ACTR3C: variants seen among roughly 807,000 people sequenced by gnomAD.
The protein encoded by ACTR3C is actin related protein 3C.
A neutral mutation model predicts 26.3 loss-of-function variants in ACTR3C; 18 were observed. The ratio of observed to expected loss-of-function variants is 0.68; its 90% CI spans 0.47 to 1.01. ACTR3C has a LOEUF of 1.01. Among genes scored for constraint, ACTR3C ranks in the 50% least tolerant of loss-of-function variants. ACTR3C has a pLI of 0.00. For missense variants in ACTR3C, 184 were observed against 250.7 expected (o/e 0.73, Z 1.80); for synonymous variants, 55 against 94.5 (o/e 0.58, Z 2.42).
At chr7:149,888,648 A>G in the ACTR3C span, among the ~76,000 whole-genome samples, 1 of 152,206 alleles carries the variant, frequency 6.6e-6, no homozygotes, top group Admixed American at 6.5e-5. Flanking sequence ...TGCCAGGAAC[A>G]GGGAAGGAAG....
chr7:150,209,722 T>TACACAC, the ACTR3C span, among the ~76,000 whole-genome samples: 9,934 of 129,122 alleles, frequency 0.077, 451 homozygotes, highest in South Asian at 0.13. Flanking sequence ...CTACTAAAAA[T>TACACAC]ACACACACAC....
At chr7:150,195,885 AAAT>A in the ACTR3C span, among the ~76,000 whole-genome samples, 1 of 152,196 alleles carries the variant, frequency 6.6e-6, no homozygotes, top group African/African-American at 2.4e-5. Context: ...TCTCAAAAAA[AAAT>A]AATAATAATT....
the ACTR3C span, among the ~76,000 whole-genome samples, chr7:150,158,911 AC>A: frequency 1.4e-5 from 2 of 147,282 alleles, no homozygotes; most frequent in African/African-American, 2.7e-5. Flanking sequence ...ACGTGCGCAC[AC>A]ACACGTGCAC....
chr7:150,128,950 C>T, the ACTR3C span, among the ~76,000 whole-genome samples: 1 of 150,598 alleles, frequency 6.6e-6, no homozygotes, highest in African/African-American at 2.5e-5. Context: ...GACCTGGTGG[C>T]CTAATGAACT....
the ACTR3C span, among the ~76,000 whole-genome samples, chr7:149,939,276 G>A: frequency 2.0e-4 from 31 of 152,240 alleles, 1 homozygote; most frequent in South Asian, 4.1e-3. Flanking sequence ...CACCGCACCC[G>A]GCCCAAATAA....
the ACTR3C span, among the ~76,000 whole-genome samples, chr7:150,069,728 C>T: frequency 6.6e-6 from 1 of 151,738 alleles, no homozygotes; most frequent in Non-Finnish European, 1.5e-5. Flanking sequence ...ACTGGGGAGT[C>T]CAGAAGAGGG....
At chr7:149,917,054 T>C in the ACTR3C span, among the ~76,000 whole-genome samples, 3 of 149,178 alleles carry the variant, frequency 2.0e-5, no homozygotes, top group South Asian at 6.4e-4. Context: ...GTACATACAA[T>C]ATATTATTAT....
the ACTR3C span, among the ~76,000 whole-genome samples, chr7:150,206,461 T>TGGAG: frequency 6.6e-6 from 1 of 152,154 alleles, no homozygotes; most frequent in Non-Finnish European, 1.5e-5. Flanking sequence ...TTGCCCAAGC[T>TGGAG]GGCATGAAAT....
At chr7:150,003,349 G>GTGGTATGTGGTA in the ACTR3C span, among the ~76,000 whole-genome samples, 1 of 152,172 alleles carries the variant, frequency 6.6e-6, no homozygotes, top group Non-Finnish European at 1.5e-5. Context: ...TGTGGAATGT[G>GTGGTATGTGGTA]TGGTATGTGG....
the ACTR3C span, among the ~76,000 whole-genome samples, chr7:150,037,336 G>A: frequency 1.6e-4 from 10 of 62,248 alleles, 5 homozygotes; most frequent in Admixed American, 1.7e-3. Flanking sequence ...TAAGCCGGGG[G>A]GGGAAGAGGG....
intron 1 of ACTR3C, among the ~76,000 whole-genome samples, chr7:150,306,807 T>G (rs1795841484): frequency 6.6e-6 from 1 of 152,218 alleles, no homozygotes; most frequent in Non-Finnish European, 1.5e-5. Context: ...GACAATGATA[T>G]TTGTGTAGCA....
downstream of ACTR3C, among the ~76,000 whole-genome samples, chr7:150,239,507 G>GCTCTCTCTCTCT (rs1187583060): frequency 9.7e-6 from 1 of 103,010 alleles, no homozygotes; most frequent in Admixed American, 9.7e-5. Flanking sequence ...AAAGTTGCTC[G>GCTCTCTCTCTCT]CTCTCTCTCT....
At chr7:149,972,373 T>A in the ACTR3C span, among the ~76,000 whole-genome samples, 1 of 152,246 alleles carries the variant, frequency 6.6e-6, no homozygotes, top group Non-Finnish European at 1.5e-5. Flanking sequence ...TTAAAACACA[T>A]CAATGTCTTC....
At chr7:150,149,792 G>A in the ACTR3C span, among the ~76,000 whole-genome samples, 1 of 152,084 alleles carries the variant, frequency 6.6e-6, no homozygotes, top group Non-Finnish European at 1.5e-5. Flanking sequence ...TGTCATGTGT[G>A]TGAAATCCTT....
the ACTR3C span, among the ~76,000 whole-genome samples, chr7:150,130,526 A>G: frequency 6.6e-6 from 1 of 152,226 alleles, no homozygotes; most frequent in Admixed American, 6.5e-5. Flanking sequence ...TTGTCAGTGA[A>G]GTTACAGGTG....
the ACTR3C span, among the ~76,000 whole-genome samples, chr7:149,940,412 T>C: frequency 3.3e-5 from 5 of 151,980 alleles, no homozygotes; most frequent in South Asian, 1.0e-3. Context: ...CCAATAAAGA[T>C]CAACTCCACT....
chr7:150,117,936 G>C, the ACTR3C span, among the ~76,000 whole-genome samples: 1 of 152,182 alleles, frequency 6.6e-6, no homozygotes, highest in Non-Finnish European at 1.5e-5. Flanking sequence ...TGATACCCAG[G>C]CAAACAGGGC....
At chr7:150,062,640 T>C in the ACTR3C span, among the ~76,000 whole-genome samples, 1 of 147,780 alleles carries the variant, frequency 6.8e-6, no homozygotes, top group South Asian at 2.2e-4. Context: ...GAATGTATCA[T>C]TATATGTTTT....
At chr7:150,124,446 T>G in the ACTR3C span, among the ~76,000 whole-genome samples, 1 of 152,172 alleles carries the variant, frequency 6.6e-6, no homozygotes, top group African/African-American at 2.4e-5. Flanking sequence ...TTCTTCGTGT[T>G]TCTGTTGTTA....
Sources: allele counts gnomAD v4.1 joint callset (sites outside exome capture counted in the v4.1 genomes callset), GRCh38; gene constraint gnomAD v4.1.1; transcripts MANE v1.5; gene names NCBI Gene and HGNC (gene_info 2026-07-23, HGNC 2026-07-21).